Variants in MACROD2 observed in about 807,000 individuals in gnomAD.
The protein encoded by MACROD2 is ADP-ribose glycohydrolase MACROD2.
A neutral mutation model predicts 70.4 loss-of-function variants in MACROD2; 36 were observed. That is an observed-to-expected ratio of 0.51 (90% CI 0.39 to 0.68). The LOEUF is 0.68. Among genes scored for constraint, MACROD2 ranks in the 30% least tolerant of loss-of-function variants. The pLI, the probability that MACROD2 is intolerant of heterozygous loss-of-function variation, is 0.00. For missense variants in MACROD2, 496 were observed against 538.4 expected (o/e 0.92, Z 0.78); for synonymous variants, 172 against 178.8 (o/e 0.96, Z 0.30).
At chr20:15,390,887 C>T (rs1169313820) in intron 6 of MACROD2, among the ~76,000 whole-genome samples, 1 of 152,162 alleles carries the variant, frequency 6.6e-6, no homozygotes, top group Non-Finnish European at 1.5e-5. Flanking sequence ...AAAATTGAAG[C>T]TCAGCAGTGA....
chr20:14,868,594 C>T (rs914025097), intron 5 of MACROD2, among the ~76,000 whole-genome samples: 27 of 152,230 alleles, frequency 1.8e-4, no homozygotes, highest in African/African-American at 6.5e-4. Context: ...TAGGGCCCAA[C>T]TTTGCATACT....
At chr20:15,259,697 G>C (rs1255956366) in intron 6 of MACROD2, among the ~76,000 whole-genome samples, 1 of 152,006 alleles carries the variant, frequency 6.6e-6, no homozygotes, top group African/African-American at 2.4e-5. Context: ...TTAAAACTGA[G>C]CAGAGCCTCT....
At chr20:14,390,776 G>A (rs1247602720) in intron 3 of MACROD2, among the ~76,000 whole-genome samples, 1 of 151,958 alleles carries the variant, frequency 6.6e-6, no homozygotes, top group African/African-American at 2.4e-5. Context: ...AAATGTACAA[G>A]AAACAAACAG....
chr20:15,898,209 A>T (rs2065003443), intron 10 of MACROD2, among the ~76,000 whole-genome samples: 1 of 152,094 alleles, frequency 6.6e-6, no homozygotes, highest in Non-Finnish European at 1.5e-5. Flanking sequence ...CGTGTGGCTC[A>T]TTCAAATCCA....
chr20:15,008,883 A>T (rs1002042562), intron 5 of MACROD2, among the ~76,000 whole-genome samples: 1 of 152,032 alleles, frequency 6.6e-6, no homozygotes, highest in Non-Finnish European at 1.5e-5. Flanking sequence ...GGTTGGATGG[A>T]TTTTTTTCCT....
chr20:14,889,446 A>C (rs2073723686), intron 5 of MACROD2, among the ~76,000 whole-genome samples: 1 of 152,176 alleles, frequency 6.6e-6, no homozygotes, highest in South Asian at 2.1e-4. Context: ...CTAAAGGGGA[A>C]GTGGTTAAAT....
At chr20:15,583,192 C>T (rs1042754913) in intron 8 of MACROD2, among the ~76,000 whole-genome samples, 3 of 152,180 alleles carry the variant, frequency 2.0e-5, no homozygotes, top group Non-Finnish European at 2.9e-5. Context: ...CTTCAATGGC[C>T]TGTGCACCTT....
intron 5 of MACROD2, among the ~76,000 whole-genome samples, chr20:15,010,097 G>T (rs910189714): frequency 6.6e-6 from 1 of 152,118 alleles, no homozygotes; most frequent in African/African-American, 2.4e-5. Context: ...GTGTTGAGGG[G>T]TATGCCATGA....
chr20:15,014,254 A>G (rs1446565124), intron 5 of MACROD2, among the ~76,000 whole-genome samples: 2 of 152,176 alleles, frequency 1.3e-5, no homozygotes, highest in Middle Eastern at 3.2e-3. Context: ...TAAAATTAAA[A>G]TGTTATCACA....
intron 5 of MACROD2, among the ~76,000 whole-genome samples, chr20:15,194,507 C>A (rs968096158): frequency 6.6e-6 from 1 of 152,016 alleles, no homozygotes; most frequent in East Asian, 1.9e-4. Flanking sequence ...TTCTAGTACA[C>A]CCTTCACTGA....
intron 5 of MACROD2, among the ~76,000 whole-genome samples, chr20:14,944,631 C>T (rs923854348): frequency 6.6e-5 from 10 of 152,098 alleles, no homozygotes; most frequent in African/African-American, 2.2e-4. Context: ...GAAGGGAATG[C>T]GTACAGGATC....
At chr20:15,960,569 G>C (rs891475906) in intron 12 of MACROD2, among the ~76,000 whole-genome samples, 6 of 152,184 alleles carry the variant, frequency 3.9e-5, no homozygotes, top group African/African-American at 1.4e-4. Flanking sequence ...TGAGGTGTGA[G>C]GAAGTGGGAC....
intron 8 of MACROD2, among the ~76,000 whole-genome samples, chr20:15,808,085 C>G (rs1309448659): frequency 6.6e-6 from 1 of 152,102 alleles, no homozygotes; most frequent in Non-Finnish European, 1.5e-5. Context: ...TGATCACAAC[C>G]CTGTCACGCG....
intron 10 of MACROD2, among the ~76,000 whole-genome samples, chr20:15,927,723 G>A (rs2065511988): frequency 6.6e-6 from 1 of 152,034 alleles, no homozygotes; most frequent in South Asian, 2.1e-4. Flanking sequence ...AAACAATGAG[G>A]CAGCCAACAT....
In MACROD2 at chr20:15,909,670, C is replaced by G. The variant is rs550040895; in HGVS notation, c.776-23606C>G. Among the ~76,000 whole-genome samples the G allele has an allele frequency of 3.3e-3, 502 of 151,682 alleles. 3 individuals carry two copies. Among genetic ancestry groups the G allele is most frequent in the African/African-American group, 0.011 (475 of 41,418 alleles). ...TCCCAAGTAGCTGGGACTACAGGCG[C>G]CCGCCACTGCGCCCGGCTAATTTTT... On this transcript the variant is annotated intron_variant, in intron 10 of 17. Coordinates refer to ENST00000684519, the MANE Select transcript of MACROD2 (RefSeq NM_001351661.2).
Position 14,856,440 on chromosome 20 carries a change from A to G in MACROD2, c.418+171481A>G, listed in dbSNP as rs2073256427. ...GCTATCTGAGCATTTAGCTAGAACT[A>G]TGCATACACAAACACGCCCTATTGA... On this transcript the variant is annotated intron_variant, in intron 5 of 17. Transcript: ENST00000684519. 3.3e-5 allele frequency among the ~76,000 whole-genome samples: 5 copies of G among 152,224 alleles called. 1 individual carries two copies. In the South Asian group the frequency reaches 6.2e-4, roughly 19 times the overall value.
At chr20:15,264,394 G>A (rs552878451) in intron 6 of MACROD2, among the ~76,000 whole-genome samples, 1 of 152,260 alleles carries the variant, frequency 6.6e-6, no homozygotes, top group African/African-American at 2.4e-5. Context: ...CAGAATTTCA[G>A]TCTCTAGAAT....
chr20:14,760,101 T>G (rs2071994865), intron 5 of MACROD2, among the ~76,000 whole-genome samples: 1 of 152,018 alleles, frequency 6.6e-6, no homozygotes, highest in African/African-American at 2.4e-5. Context: ...GCTGAAATCA[T>G]GAGGGTAGAG....
chr20:15,762,485 A>G (rs746584232), intron 8 of MACROD2, among the ~76,000 whole-genome samples: 1 of 152,202 alleles, frequency 6.6e-6, no homozygotes, highest in Non-Finnish European at 1.5e-5. Context: ...ACCCTTTGCC[A>G]TGTGACCTTG....
Sources: gnomAD v4.1 joint callset for allele counts (sites outside exome capture counted in the v4.1 genomes callset) on GRCh38, gnomAD v4.1.1 for gene constraint, MANE v1.5 for transcripts, NCBI Gene and HGNC (gene_info 2026-07-23, HGNC 2026-07-21) for gene names.